Variants in NRXN3 observed in about 807,000 individuals in gnomAD.
NRXN3 encodes the protein neurexin III.
Under a neutral mutation model 137.6 loss-of-function variants are expected in NRXN3, and 32 were observed. The observed-to-expected ratio is 0.23, with a 90% CI of 0.18 to 0.31. The LOEUF (loss-of-function observed/expected upper bound fraction) is 0.31. NRXN3 is among the 10% of genes least tolerant of loss of function. The pLI, the probability that NRXN3 is intolerant of heterozygous loss-of-function variation, is 1.00. For missense variants in NRXN3, 1,574 were observed against 2,062.5 expected (o/e 0.76, Z 4.59); for synonymous variants, 798 against 784.5 (o/e 1.02, Z -0.29).
intron 15 of NRXN3, among the ~76,000 whole-genome samples, chr14:79,273,172 C>CAAAAAAAAAAAAAAAA (rs1163073631): frequency 3.1e-3 from 64 of 20,744 alleles, no homozygotes; most frequent in Non-Finnish European, 4.3e-3. Context: ...ACTCTGTGGC[C>CAAAAAAAAAAAAAAAA]AAAAAAAAAA....
At chr14:78,901,922 G>T (rs2099197625) in intron 10 of NRXN3, among the ~76,000 whole-genome samples, 1 of 152,084 alleles carries the variant, frequency 6.6e-6, no homozygotes, top group African/African-American at 2.4e-5. Context: ...GGATGGAGGA[G>T]AAACGGCAGG....
intron 19 of NRXN3, among the ~76,000 whole-genome samples, chr14:79,746,372 C>A (rs2098979749): frequency 6.6e-6 from 1 of 152,044 alleles, no homozygotes; most frequent in Non-Finnish European, 1.5e-5. Context: ...TTTTGAGCAT[C>A]TTTGAGCACT....
At chr14:79,694,883 G>A (rs1347173952) in intron 18 of NRXN3, among the ~76,000 whole-genome samples, 1 of 151,898 alleles carries the variant, frequency 6.6e-6, no homozygotes, top group Non-Finnish European at 1.5e-5. Context: ...AGCAGATCTA[G>A]CCAGAAACAG....
At chr14:79,048,244 A>G (rs1339918921) in intron 15 of NRXN3, among the ~76,000 whole-genome samples, 1 of 152,170 alleles carries the variant, frequency 6.6e-6, no homozygotes, top group African/African-American at 2.4e-5. Context: ...AGAAAACAAT[A>G]CTAATTGCCT....
chr14:78,720,230 C>T (rs2098453353), intron 8 of NRXN3, among the ~76,000 whole-genome samples: 1 of 152,170 alleles, frequency 6.6e-6, no homozygotes, highest in Non-Finnish European at 1.5e-5. Context: ...TTGCCTAGAA[C>T]TCTCCCTGAA....
chr14:79,583,097 G>T (rs1304556392), intron 16 of NRXN3, among the ~76,000 whole-genome samples: 1 of 152,154 alleles, frequency 6.6e-6, no homozygotes. Context: ...ACAGTCTAAA[G>T]TGTGACACTG....
chr14:78,961,979 A>T (rs1335830049), intron 11 of NRXN3, among the ~76,000 whole-genome samples: 1 of 152,196 alleles, frequency 6.6e-6, no homozygotes. Flanking sequence ...CCCATGAATT[A>T]GATGGAGTGA....
chr14:79,831,127 G>T (rs747084074), intron 20 of NRXN3, among the ~76,000 whole-genome samples: 12 of 152,144 alleles, frequency 7.9e-5, no homozygotes, highest in Non-Finnish European at 1.6e-4. Context: ...TCTAGATTCA[G>T]TAGGAAATTG....
intron 15 of NRXN3, among the ~76,000 whole-genome samples, chr14:79,380,993 C>A (rs1938340911): frequency 6.6e-6 from 1 of 152,046 alleles, no homozygotes; most frequent in Admixed American, 6.6e-5. Context: ...TTACTGGCCC[C>A]ACCTTGGACA....
At chr14:78,490,597 A>C (rs1164738564) in intron 4 of NRXN3, among the ~76,000 whole-genome samples, 6 of 152,136 alleles carry the variant, frequency 3.9e-5, no homozygotes. Flanking sequence ...TTGTTTAAAA[A>C]CATGTATATA....
chr14:78,315,628 G>C (rs2078618368), intron 4 of NRXN3, among the ~76,000 whole-genome samples: 2 of 152,166 alleles, frequency 1.3e-5, no homozygotes, highest in African/African-American at 4.8e-5. Context: ...TGTTTTAAGG[G>C]ATGTGACCTC....
intron 16 of NRXN3, among the ~76,000 whole-genome samples, chr14:79,486,939 C>CTCTCTCTT (rs2096661724): frequency 1.3e-5 from 2 of 150,622 alleles, no homozygotes; most frequent in Admixed American, 1.3e-4. Flanking sequence ...CTCTCTCTCT[C>CTCTCTCTT]TCTCTCTCTC....
At chr14:78,395,157 C>A (rs1003659142) in intron 4 of NRXN3, among the ~76,000 whole-genome samples, 3 of 151,398 alleles carry the variant, frequency 2.0e-5, no homozygotes, top group African/African-American at 7.3e-5. Flanking sequence ...TTTGACTTCC[C>A]CCCCTTTTCT....
chr14:78,345,109 GTGTGTGTACA>G (rs1378945123), intron 4 of NRXN3, among the ~76,000 whole-genome samples: 2 of 152,226 alleles, frequency 1.3e-5, no homozygotes, highest in Non-Finnish European at 2.9e-5. Flanking sequence ...ATGCGCATGT[GTGTGTGTACA>G]TGTGTGTGCC....
Position 78,966,339 on chromosome 14 carries a change from C to G in NRXN3, c.2710C>G (p.Pro904Ala), listed in dbSNP as rs2099417211. ...HLFFQFKTTS[P>A]DGFILFNSGD... is the part of the protein sequence containing the mutation. ...CTTCTTCCAGTTCAAGACCACCTCACCAGATGGCTTCATTCTCTTCAATAG... is the reference window on the plus strand; with the variant it reads ...CTTCTTCCAGTTCAAGACCACCTCAGCAGATGGCTTCATTCTCTTCAATAG... Residue 904 changes from proline to alanine, a missense_variant, in exon 12 of 21, where the codon CCA (proline) becomes GCA (alanine). This residue lies in a region of NRXN3 where 718 missense variants were observed against 887.6 expected (regional missense o/e 0.81). Transcript: ENST00000335750. The G allele has an allele frequency of 6.2e-7, 1 of 1,614,222 alleles. No homozygotes were observed. The highest frequency in any genetic ancestry group is 1.3e-5 in the African/African-American group (1 of 75,054).
rs139709941 is a variant in NRXN3 at position 79,125,375 on chromosome 14, T to C, written c.3262+137234T>C. On this transcript the variant is annotated intron_variant, in intron 15 of 20. Coordinates refer to ENST00000335750, the MANE Select transcript of NRXN3 (RefSeq NM_001330195.2). ...TAGTTCCACCTACCTTGTTCAGTAG[T>C]ACACCTCCAGCACTTTGAAACCTGT... Among the ~76,000 whole-genome samples the C allele has an allele frequency of 3.6e-3, 551 of 152,352 alleles. 2 individuals are homozygous for C. The highest frequency in any genetic ancestry group is 0.013 in the African/African-American group (523 of 41,578).
chr14:79,240,297 A>G (rs529720281), intron 15 of NRXN3, among the ~76,000 whole-genome samples: 1 of 152,136 alleles, frequency 6.6e-6, no homozygotes, highest in African/African-American at 2.4e-5. Context: ...TTATAGAAAA[A>G]TGCACTCCTG....
intron 15 of NRXN3, among the ~76,000 whole-genome samples, chr14:79,227,053 C>T (rs985984044): frequency 1.3e-5 from 2 of 152,012 alleles, no homozygotes; most frequent in African/African-American, 4.8e-5. Flanking sequence ...CTCCTGACCT[C>T]GTGATCCGCC....
chr14:79,582,918 C>T (rs1379105884), intron 16 of NRXN3, among the ~76,000 whole-genome samples: 1 of 152,236 alleles, frequency 6.6e-6, no homozygotes, highest in South Asian at 2.1e-4. Context: ...TTGCCTTTCT[C>T]GAAAACTGAT....
Sources: gnomAD v4.1 joint callset for allele counts (sites outside exome capture counted in the v4.1 genomes callset) on GRCh38, gnomAD v4.1.1 for gene constraint, gnomAD v4.1.1 regional missense constraint, MANE v1.5 for transcripts, NCBI Gene and HGNC (gene_info 2026-07-23, HGNC 2026-07-21) for gene names.